HSF1: variants seen among roughly 807,000 people sequenced by gnomAD.
HSF1 encodes the protein heat shock factor protein 1.
Under a neutral mutation model 51.7 loss-of-function variants are expected in HSF1, and 32 were observed. That is an observed-to-expected ratio of 0.62 (90% confidence interval 0.47 to 0.83). The LOEUF is 0.83. HSF1 is among the 40% of genes least tolerant of loss of function. HSF1 has a pLI of 0.00. For synonymous variants in HSF1, 396 were observed against 309.7 expected, an observed-to-expected ratio of 1.28 and a Z score of -2.92; for missense variants, 727 against 717.0, an observed-to-expected ratio of 1.01 and a Z score of -0.16.
rs1554846178 is a variant in HSF1, at chr8:144,314,259, G to C, written c.1519G>C (p.Ala507Pro). Residue 507 changes from alanine to proline, a missense_variant, in exon 13 of 13, where the codon GCC becomes CCC. This residue lies in a region of HSF1 where 470 missense variants were observed against 398.8 expected (regional missense o/e 1.18). Transcript: ENST00000528838. ...GSYFSEGDGFAEDPTISLLTG... is the reference protein window; with the variant it reads ...GSYFSEGDGFPEDPTISLLTG... ...CTACTTCTCCGAAGGGGACGGCTTC[G>C]CCGAGGACCCCACCATCTCCCTGCT... The C allele has an allele frequency of 6.4e-7, 1 of 1,550,632 alleles. No homozygotes were observed. Among genetic ancestry groups the C allele is most frequent in the Non-Finnish European group, 8.7e-7 (1 of 1,147,142 alleles).
chr8:144,311,743 A>G lies in HSF1; in HGVS notation c.767A>G (p.Asp256Gly). The G allele has an allele frequency of 6.2e-7, 1 of 1,612,840 alleles. No individual in the cohort carries two copies. The highest frequency in any genetic ancestry group is 8.5e-7 in the Non-Finnish European group (1 of 1,179,752). Residue 256 changes from aspartate to glycine, a missense_variant, in exon 8 of 13, where the codon GAT (aspartate) becomes GGT (glycine). Transcript: ENST00000528838. ...AGCAGCTCCAGCCTCTACGCCCCTG[A>G]TGCTGTGGCCAGCTCTGGACCCATC... ...AYSSSSLYAPDAVASSGPIIS... is the reference protein window; with the variant it reads ...AYSSSSLYAPGAVASSGPIIS...
At chr8:144,308,704 G>A (rs752035647) in intron 1 of HSF1, among the ~76,000 whole-genome samples, 3 of 152,352 alleles carry the variant, frequency 2.0e-5, no homozygotes, top group Non-Finnish European at 4.4e-5. Flanking sequence ...TGCAGGTCAC[G>A]CTGCACAGAT....
rs782240972 is a variant in HSF1, at chr8:144,313,981, A to G, written c.1315-4A>G. ...GTGCTCACAATACCGTCTCCACCCC[A>G]CAGATCCAAGAGCTCCTGTCTCCCC... On this transcript the variant is annotated splice_region_variant and splice_polypyrimidine_tract_variant and intron_variant, in intron 11 of 12. Transcript: ENST00000528838. 6.2e-7 allele frequency: 1 copy of G among 1,610,468 alleles called. No homozygotes were observed. Among genetic ancestry groups the G allele is most frequent in the East Asian group, 2.2e-5 (1 of 44,718 alleles).
chr8:144,299,475 T>C (rs1815712309), intron 1 of HSF1, among the ~76,000 whole-genome samples: 2 of 149,648 alleles, frequency 1.3e-5, no homozygotes, highest in South Asian at 2.1e-4. Flanking sequence ...ATCTAATCAG[T>C]CATGGGCAGA....
intron 1 of HSF1, among the ~76,000 whole-genome samples, chr8:144,298,354 C>T (rs954729511): frequency 1.3e-5 from 2 of 151,514 alleles, no homozygotes; most frequent in African/African-American, 2.4e-5. Context: ...CCCAGCACTT[C>T]GGGAGGCTGA....
Position 144,314,589 on chromosome 8 carries a change from CAT to C in HSF1, c.*261_*262del. 3.7e-6 allele frequency: 2 copies of C among 545,362 alleles called. No homozygotes were observed. Among genetic ancestry groups the C allele is most frequent in the Non-Finnish European group, 6.6e-6 (2 of 304,150 alleles). The allele number at this position is 545,362 out of a possible 1,614,324, so 33.8% of individuals were successfully genotyped here. A position where few individuals can be genotyped will look rare whatever the true frequency, so the allele number is the denominator to read the frequency against. Reference sequence around the variant, plus strand: ...ACCTGGACTGACCCTGCAGGTTGTTCATAGTCAGAATTGTATTTTGGATTTTT... The same window carrying C: ...ACCTGGACTGACCCTGCAGGTTGTTCAGTCAGAATTGTATTTTGGATTTTT... On this transcript the variant is annotated 3_prime_UTR_variant, in exon 13 of 13. Coordinates refer to ENST00000528838, the MANE Select transcript of HSF1 (RefSeq NM_005526.4).
At chr8:144,299,969 ATG>A (rs1815745020) in intron 1 of HSF1, among the ~76,000 whole-genome samples, 1 of 152,132 alleles carries the variant, frequency 6.6e-6, no homozygotes, top group African/African-American at 2.4e-5. Flanking sequence ...GTTGGACAAA[ATG>A]TCACTGGAAC....
At chr8:144,294,295 A>C (rs1359112218) in intron 1 of HSF1, among the ~76,000 whole-genome samples, 1 of 152,130 alleles carries the variant, frequency 6.6e-6, no homozygotes, top group East Asian at 1.9e-4. Flanking sequence ...GAGCACTCAC[A>C]CAAGCCCTGA....
intron 1 of HSF1, among the ~76,000 whole-genome samples, chr8:144,307,094 G>A (rs1159764274): frequency 2.0e-5 from 3 of 152,228 alleles, no homozygotes; most frequent in Non-Finnish European, 4.4e-5. Context: ...GTACACGGCT[G>A]CGAGATGTCC....
chr8:144,313,233 C>G (rs1436919506), intron 9 of HSF1: 5 of 473,614 alleles, frequency 1.1e-5, no homozygotes, highest in Non-Finnish European at 1.9e-5. Context: ...TGTGCTGGAG[C>G]TGAATACGCC....
Position 144,314,213 on chromosome 8 carries a change from G to GT in HSF1, c.1476dup (p.Glu493Ter). 6.5e-7 allele frequency: 1 copy of GT among 1,550,210 alleles called. No homozygotes were observed. Among genetic ancestry groups the GT allele is most frequent in the Non-Finnish European group, 8.7e-7 (1 of 1,146,902 alleles). On this transcript the variant is annotated frameshift_variant, in exon 13 of 13. Coordinates refer to ENST00000528838, the MANE Select transcript of HSF1 (RefSeq NM_005526.4). LOFTEE classifies it high-confidence loss of function. Reference sequence around the variant, plus strand: ...CCGGGAGCAACGACCTGCCGGTGCTGTTTGAGCTGGGAGAGGGCTCCTACT... The same window carrying GT: ...CCGGGAGCAACGACCTGCCGGTGCTGTTTTGAGCTGGGAGAGGGCTCCTACT...
Position 144,311,953 on chromosome 8 carries a change from T to A in HSF1, c.861-10T>A. The A allele has an allele frequency of 6.3e-7, 1 of 1,577,844 alleles. No homozygotes were observed. Among genetic ancestry groups the A allele is most frequent in the Non-Finnish European group, 8.6e-7 (1 of 1,162,530 alleles). ...GAGACGCCAGCTCACCTGGCCCCCC[T>A]CGTGTGCAGGCCCCTATCCAGCAGC... On this transcript the variant is annotated splice_polypyrimidine_tract_variant and intron_variant, in intron 8 of 12. Coordinates refer to ENST00000528838, the MANE Select transcript of HSF1 (RefSeq NM_005526.4).
chr8:144,298,345 C>A (rs1815612822), intron 1 of HSF1, among the ~76,000 whole-genome samples: 1 of 152,066 alleles, frequency 6.6e-6, no homozygotes, highest in Non-Finnish European at 1.5e-5. Context: ...GGCTGTAATC[C>A]CAGCACTTCG....
chr8:144,313,559 C>G lies in HSF1; in HGVS notation c.1191C>G (p.Asn397Lys), dbSNP rs1432246546. 6.2e-7 allele frequency: 1 copy of G among 1,612,218 alleles called. No homozygotes were observed. Among genetic ancestry groups the G allele is most frequent in the Non-Finnish European group, 8.5e-7 (1 of 1,179,416 alleles). Residue 397 changes from asparagine to lysine, a missense_variant, in exon 10 of 13, where the codon AAC becomes AAG. Around this residue, in one of 2 missense-constraint regions of HSF1, gnomAD observed 470 missense variants for 398.8 expected, o/e 1.18. Transcript: ENST00000528838. Reference protein sequence around the residue: ...HLDAMDSNLDNLQTMLSSHGF... With the variant: ...HLDAMDSNLDKLQTMLSSHGF... ...ATGCTATGGACTCCAACCTGGATAA[C>G]CTGCAGACCATGCTGAGCAGCCACG...
Position 144,313,642 on chromosome 8 carries a change from T to A in HSF1, c.1248+26T>A. 1.5e-5 allele frequency: 5 copies of A among 338,932 alleles called. 1 individual carries two copies. Among genetic ancestry groups the A allele is most frequent in the African/African-American group, 4.8e-5 (1 of 20,690 alleles). 21.0% of individuals were successfully genotyped at this position (338,932 alleles called of 1,614,324 possible). A position where few individuals can be genotyped will look rare whatever the true frequency, so the allele number is the denominator to read the frequency against. On this transcript the variant is annotated intron_variant, in intron 10 of 12. Coordinates refer to ENST00000528838, the MANE Select transcript of HSF1 (RefSeq NM_005526.4). ...GTGAGTGGAGCCCCGCCGCCCCGCC[T>A]CCCCGCCCCGCCTCCCCGCCGCGCC...
chr8:144,301,588 C>G (rs782223877), intron 1 of HSF1, among the ~76,000 whole-genome samples: 1 of 151,996 alleles, frequency 6.6e-6, no homozygotes, highest in Admixed American at 6.6e-5. Flanking sequence ...CAGAAGAGGC[C>G]GGGCGCGGTG....
At chr8:144,295,219 A>G (rs1815375698) in intron 1 of HSF1, among the ~76,000 whole-genome samples, 1 of 152,260 alleles carries the variant, frequency 6.6e-6, no homozygotes, top group Non-Finnish European at 1.5e-5. Flanking sequence ...CAGCCTCTTC[A>G]GAGAATTTGA....
intron 1 of HSF1, among the ~76,000 whole-genome samples, chr8:144,296,069 C>T (rs1360952681): frequency 2.0e-5 from 3 of 152,096 alleles, no homozygotes; most frequent in Non-Finnish European, 2.9e-5. Flanking sequence ...CGGCCTATCG[C>T]GGGAGAGAGT....
At position 144,313,979 on chromosome 8, in the gene HSF1, C is replaced by T. The variant is rs1554845929; in HGVS notation, c.1315-6C>T. The T allele has an allele frequency of 3.1e-6, 5 of 1,611,358 alleles. No individual in the cohort carries two copies. The highest frequency in any genetic ancestry group is 2.2e-5 in the South Asian group (2 of 90,984). On this transcript the variant is annotated splice_region_variant and splice_polypyrimidine_tract_variant and intron_variant, in intron 11 of 12. Transcript: ENST00000528838. ...GAGTGCTCACAATACCGTCTCCACC[C>T]CACAGATCCAAGAGCTCCTGTCTCC... is the stretch of plus-strand genomic sequence containing the variant.
Sources: allele counts gnomAD v4.1 joint callset (sites outside exome capture counted in the v4.1 genomes callset), GRCh38; gene constraint gnomAD v4.1.1; regional missense constraint gnomAD v4.1.1; transcripts MANE v1.5; gene names NCBI Gene and HGNC (gene_info 2026-07-23, HGNC 2026-07-21).